Variants in FOXJ3 observed in about 807,000 individuals in gnomAD.
FOXJ3 encodes the protein forkhead box protein J3.
FOXJ3 carries 22 observed loss-of-function variants against 76.1 expected under a neutral mutation model. The observed-to-expected ratio is 0.29, with a 90% CI of 0.21 to 0.41. FOXJ3 has a LOEUF of 0.41. FOXJ3 is among the 10% of genes least tolerant of loss of function. FOXJ3 has a pLI of 1.00. For synonymous variants in FOXJ3, 269 were observed against 261.2 expected, an observed-to-expected ratio of 1.03 and a Z score of -0.29; for missense variants, 613 against 762.1, an observed-to-expected ratio of 0.80 and a Z score of 2.30.
intron 4 of FOXJ3, among the ~76,000 whole-genome samples, chr1:42,238,565 TA>T (rs1365429089): frequency 6.6e-6 from 1 of 152,126 alleles, no homozygotes; most frequent in Admixed American, 6.5e-5. Context: ...TATGAGGAAT[TA>T]TTTTTTCCCT....
At chr1:42,324,719 G>A (rs1043492991) in intron 1 of FOXJ3, among the ~76,000 whole-genome samples, 3 of 152,106 alleles carry the variant, frequency 2.0e-5, no homozygotes, top group African/African-American at 7.2e-5. Context: ...AAAAGTATTT[G>A]TGTATCTAAA....
chr1:42,210,846 G>A (rs1216540198), intron 5 of FOXJ3, among the ~76,000 whole-genome samples: 2 of 152,134 alleles, frequency 1.3e-5, no homozygotes, highest in Non-Finnish European at 2.9e-5. Flanking sequence ...AGCCTGGAGT[G>A]TGGCAACCCC....
At chr1:42,213,449 A>G (rs2124375351) in intron 5 of FOXJ3, among the ~76,000 whole-genome samples, 1 of 152,160 alleles carries the variant, frequency 6.6e-6, no homozygotes, top group South Asian at 2.1e-4. Flanking sequence ...TCATATAAAA[A>G]AGACTGTAAA....
intron 4 of FOXJ3, among the ~76,000 whole-genome samples, chr1:42,235,604 C>T (rs1169833591): frequency 6.6e-6 from 1 of 151,500 alleles, no homozygotes; most frequent in Non-Finnish European, 1.5e-5. Context: ...ACTCTGTCAG[C>T]CATGCTGGAG....
At chr1:42,189,520 A>G (rs1646500846) in intron 9 of FOXJ3, 116 bp from the exon 10 acceptor site, 2 of 708,748 alleles carry the variant, frequency 2.8e-6, no homozygotes, top group African/African-American at 1.7e-5. Context: ...CCGTCTTACA[A>G]GGGGATTTGT....
intron 2 of FOXJ3, among the ~76,000 whole-genome samples, chr1:42,282,595 G>A (rs751815328): frequency 6.6e-6 from 1 of 152,028 alleles, no homozygotes; most frequent in Non-Finnish European, 1.5e-5. Context: ...CCATACATTA[G>A]TACTTCTGAT....
At chr1:42,238,173 T>C (rs1233717812) in intron 4 of FOXJ3, among the ~76,000 whole-genome samples, 4 of 151,078 alleles carry the variant, frequency 2.6e-5, no homozygotes, top group Non-Finnish European at 4.4e-5. Context: ...GCTGGGAATA[T>C]AGGTGTGCAC....
At chr1:42,318,972 T>C (rs925543339) in intron 1 of FOXJ3, among the ~76,000 whole-genome samples, 4 of 152,166 alleles carry the variant, frequency 2.6e-5, no homozygotes, top group African/African-American at 7.2e-5. Context: ...AGCTCACACC[T>C]GTAATCCCAG....
chr1:42,181,640 A>G (rs1295699585), intron 12 of FOXJ3, among the ~76,000 whole-genome samples: 1 of 152,218 alleles, frequency 6.6e-6, no homozygotes, highest in Non-Finnish European at 1.5e-5. Flanking sequence ...CTTTGCTAGC[A>G]CAAGTGCCAA....
chr1:42,278,406 A>T lies in FOXJ3; in HGVS notation c.311T>A (p.Ile104Asn). 1 of 1,614,090 alleles carries T rather than the reference A, an allele frequency of 6.2e-7. No individual in the cohort carries two copies. The highest frequency in any genetic ancestry group is 8.5e-7 in the Non-Finnish European group (1 of 1,179,924). Residue 104 changes from isoleucine (I) to asparagine (N), a missense_variant, in exon 3 of 13, where the codon ATT becomes AAT. Transcript: ENST00000361346. ...GAAGTTATCACAAATCCACTGATAAATTTCACTTAAAGTCATTTTCTTTTT... is the reference window on the plus strand; with the variant it reads ...GAAGTTATCACAAATCCACTGATAATTTTCACTTAAAGTCATTTTCTTTTT... ...SPKKKMTLSEIYQWICDNFPY... is the reference protein window; with the variant it reads ...SPKKKMTLSENYQWICDNFPY...
chr1:42,232,702 T>C (rs1357809835), intron 4 of FOXJ3, among the ~76,000 whole-genome samples: 3 of 152,256 alleles, frequency 2.0e-5, no homozygotes, highest in African/African-American at 2.4e-5. Context: ...TAGCCCTTTG[T>C]CAGATGAGTA....
Position 42,206,062 on chromosome 1 carries a change from C to T in FOXJ3, c.529-199G>A. The T allele has an allele frequency of 1.6e-5, 8 of 510,660 alleles. No homozygotes were observed. In the South Asian group the frequency reaches 2.4e-4, roughly 16 times the overall value. The allele number at this position is 510,660 out of a possible 1,614,324, so 31.6% of individuals were successfully genotyped here. Reference sequence around the variant, plus strand: ...GATATTACAAAGTCCTTTGGTATGGCTACTCTCTAACAACTCTTAATTTAC... The same window carrying T: ...GATATTACAAAGTCCTTTGGTATGGTTACTCTCTAACAACTCTTAATTTAC... On this transcript the variant is annotated intron_variant, in intron 5 of 12. Transcript: ENST00000361346.
intron 1 of FOXJ3, among the ~76,000 whole-genome samples, chr1:42,328,609 T>C (rs1035410113): frequency 6.6e-6 from 1 of 152,018 alleles, no homozygotes; most frequent in African/African-American, 2.4e-5. Context: ...TTATTAATAG[T>C]CTCAAGGTCA....
chr1:42,215,456 A>T (rs970815220), intron 5 of FOXJ3, among the ~76,000 whole-genome samples: 2 of 152,176 alleles, frequency 1.3e-5, no homozygotes, highest in Non-Finnish European at 2.9e-5. Flanking sequence ...AAAAGAACAG[A>T]GCCTCAGAAA....
At chr1:42,189,611 G>A in intron 9 of FOXJ3, 1 of 457,046 alleles carries the variant, frequency 2.2e-6, no homozygotes, top group Non-Finnish European at 4.0e-6. Context: ...ACAAATAAAA[G>A]AAACTGAACC....
At chr1:42,249,705 G>A (rs779849136) in intron 4 of FOXJ3, among the ~76,000 whole-genome samples, 39 of 152,164 alleles carry the variant, frequency 2.6e-4, no homozygotes, top group Non-Finnish European at 4.7e-4. Flanking sequence ...ACACTGCTGG[G>A]TATGATGGAG....
intron 4 of FOXJ3, among the ~76,000 whole-genome samples, chr1:42,250,759 T>C (rs1387512446): frequency 1.4e-5 from 2 of 143,940 alleles, no homozygotes; most frequent in African/African-American, 2.6e-5. Context: ...AATCACGCCA[T>C]TGCACTCCAG....
At chr1:42,265,041 T>C in intron 4 of FOXJ3, 74 bp downstream of exon 4, 1 of 943,022 alleles carries the variant, frequency 1.1e-6, no homozygotes. Context: ...TTCAATGAAC[T>C]GGAAAAGTTC....
intron 5 of FOXJ3, among the ~76,000 whole-genome samples, chr1:42,207,534 G>A (rs945101338): frequency 1.3e-5 from 2 of 152,174 alleles, no homozygotes; most frequent in Non-Finnish European, 2.9e-5. Context: ...AAATGTTAAA[G>A]AGGGGCAAAC....
Sources: allele counts gnomAD v4.1 joint callset (sites outside exome capture counted in the v4.1 genomes callset), GRCh38; gene constraint gnomAD v4.1.1; transcripts MANE v1.5; gene names NCBI Gene and HGNC (gene_info 2026-07-23, HGNC 2026-07-21).